The following NCOA1 variants were observed in gnomAD, a reference collection of about 807,000 sequenced individuals.
NCOA1 encodes nuclear receptor coactivator 1, also known as Hin-2 protein.
NCOA1 carries 35 observed loss-of-function variants against 150.9 expected under a neutral mutation model. The observed-to-expected ratio is 0.23, with a 90% CI of 0.18 to 0.31. The LOEUF (loss-of-function observed/expected upper bound fraction) is 0.31. Among genes scored for constraint, NCOA1 ranks in the 10% least tolerant of loss-of-function variants. The probability of loss-of-function intolerance (pLI) is 1.00; values close to 1 mark genes in which losing one functional copy is unlikely to be tolerated. For missense variants in NCOA1, 1,491 were observed against 1,749.3 expected, an observed-to-expected ratio of 0.85 and a Z score of 2.63; for synonymous variants, 590 against 630.0, an observed-to-expected ratio of 0.94 and a Z score of 0.95.
chr2:24,678,496 CT>C (rs1672021377), intron 7 of NCOA1, among the ~76,000 whole-genome samples: 1 of 152,172 alleles, frequency 6.6e-6, no homozygotes, highest in African/African-American at 2.4e-5. Flanking sequence ...CTAATTTATA[CT>C]CCCACCAACA....
intron 1 of NCOA1, among the ~76,000 whole-genome samples, chr2:24,536,853 G>A (rs1449142705): frequency 6.6e-6 from 1 of 152,082 alleles, no homozygotes; most frequent in Non-Finnish European, 1.5e-5. Context: ...CATTTTCTGA[G>A]TGAAGTAACT....
At chr2:24,519,904 AT>A (rs1217700079) in intron 1 of NCOA1, among the ~76,000 whole-genome samples, 3 of 152,236 alleles carry the variant, frequency 2.0e-5, no homozygotes, top group African/African-American at 7.2e-5. Flanking sequence ...ATATAGAGTT[AT>A]CAAAGCTCAA....
chr2:24,503,245 G>A (rs1663541650), intron 1 of NCOA1, among the ~76,000 whole-genome samples: 1 of 151,976 alleles, frequency 6.6e-6, no homozygotes, highest in African/African-American at 2.4e-5. Context: ...AGAACGTGTT[G>A]TTCTACAACA....
chr2:24,723,245 A>C (rs1047391802), intron 14 of NCOA1, among the ~76,000 whole-genome samples: 5 of 152,126 alleles, frequency 3.3e-5, no homozygotes. Flanking sequence ...TCACTTTTTC[A>C]CTTAATGTTC....
At chr2:24,497,015 C>T (rs1663246211) in intron 1 of NCOA1, among the ~76,000 whole-genome samples, 1 of 152,160 alleles carries the variant, frequency 6.6e-6, no homozygotes, top group South Asian at 2.1e-4. Context: ...GTAAGGCCCT[C>T]ATTCATAGTC....
intron 1 of NCOA1, among the ~76,000 whole-genome samples, chr2:24,511,003 A>G (rs1160594598): frequency 6.6e-6 from 1 of 152,038 alleles, no homozygotes; most frequent in Non-Finnish European, 1.5e-5. Context: ...GTGTCTCCCC[A>G]TTCCTCCCTT....
At chr2:24,507,343 C>A (rs1451631378) in intron 1 of NCOA1, among the ~76,000 whole-genome samples, 1 of 150,524 alleles carries the variant, frequency 6.6e-6, no homozygotes, top group Admixed American at 6.7e-5. Flanking sequence ...CCTGTCTCCA[C>A]AAGGTGGTTG....
At chr2:24,728,504 C>T (rs772993577) in intron 16 of NCOA1, 28 bp downstream of exon 16, 4 of 1,585,986 alleles carry the variant, frequency 2.5e-6, no homozygotes, top group South Asian at 1.1e-5. Context: ...CATTATTTAA[C>T]TGATGGAGCC....
chr2:24,644,720 G>A (rs757875122), intron 4 of NCOA1, among the ~76,000 whole-genome samples: 1 of 152,112 alleles, frequency 6.6e-6, no homozygotes, highest in African/African-American at 2.4e-5. Context: ...AGAGTGATCA[G>A]AAACTGATAA....
At chr2:24,558,413 T>C (rs1326352109) in intron 1 of NCOA1, among the ~76,000 whole-genome samples, 1 of 152,110 alleles carries the variant, frequency 6.6e-6, no homozygotes, top group Non-Finnish European at 1.5e-5. Flanking sequence ...CCCAGAATCA[T>C]GGCGGGAGGT....
intron 12 of NCOA1, 43 bp downstream of exon 12, chr2:24,705,276 A>T (rs997195316): frequency 1.3e-6 from 2 of 1,586,652 alleles, no homozygotes; most frequent in Non-Finnish European, 1.7e-6. Flanking sequence ...AAGCCAGTTC[A>T]CATATCTCTT....
At chr2:24,553,893 G>A (rs577048316) in intron 1 of NCOA1, among the ~76,000 whole-genome samples, 19 of 152,258 alleles carry the variant, frequency 1.2e-4, no homozygotes, top group African/African-American at 4.1e-4. Flanking sequence ...ATTCACCAAG[G>A]GAGCCTTTGT....
chr2:24,606,214 ATTTT>A (rs1558832922), intron 3 of NCOA1, among the ~76,000 whole-genome samples: 1 of 151,242 alleles, frequency 6.6e-6, no homozygotes, highest in Middle Eastern at 3.2e-3. Flanking sequence ...CATAATTTTT[ATTTT>A]TTTATTTTTA....
chr2:24,608,190 C>T (rs984026467), intron 3 of NCOA1, among the ~76,000 whole-genome samples: 3 of 150,288 alleles, frequency 2.0e-5, no homozygotes, highest in Non-Finnish European at 4.4e-5. Context: ...TTTAGATTTA[C>T]AGAAGAGTTG....
intron 1 of NCOA1, among the ~76,000 whole-genome samples, chr2:24,561,239 G>A (rs1666280854): frequency 1.3e-5 from 2 of 152,106 alleles, no homozygotes; most frequent in South Asian, 4.1e-4. Context: ...AGTAAGCAAG[G>A]GCAAAATGAC....
intron 19 of NCOA1, among the ~76,000 whole-genome samples, chr2:24,748,714 A>G (rs1424226736): frequency 6.6e-6 from 1 of 152,094 alleles, no homozygotes; most frequent in Non-Finnish European, 1.5e-5. Flanking sequence ...TATTTAACCA[A>G]ATAAACCAAG....
Position 24,655,148 on chromosome 2 carries a change from C to G in NCOA1, c.-17-3513C>G, listed in dbSNP as rs368795415. ...CTCTAGTGCGTAGAACAGAGGTTGG[C>G]ATATGGTAAGAGCTCAGTAAATATT... is the stretch of plus-strand genomic sequence containing the variant. On this transcript the variant is annotated intron_variant, in intron 4 of 22. Transcript: ENST00000348332. Among the ~76,000 whole-genome samples the G allele has an allele frequency of 3.7e-4, 56 of 152,270 alleles. No individual in the cohort carries two copies. The East Asian group carries it at 5.8e-3, about 16-fold the overall frequency.
At chr2:24,691,715 A>T (rs1558291035) in intron 9 of NCOA1, 55 bp downstream of exon 9, 2 of 1,557,330 alleles carry the variant, frequency 1.3e-6, no homozygotes, top group Non-Finnish European at 8.7e-7. Flanking sequence ...TTTAAGGAAA[A>T]GAGAGGAAAT....
rs1572408487 is a variant in NCOA1 at position 24,550,707 on chromosome 2, GT to G, written c.-395-13587del. On this transcript the variant is annotated intron_variant, in intron 1 of 22. Transcript: ENST00000348332. ...TGCATAGAATATCTATGAATGCCTA[GT>G]AAACAAGGGAAGGGAGCTGGATGAT... Among the ~76,000 whole-genome samples, 6 of 152,232 alleles carry G rather than the reference GT, an allele frequency of 3.9e-5. No homozygotes were observed. The East Asian group carries it at 1.2e-3, about 29-fold the overall frequency.
Sources: allele counts gnomAD v4.1 joint callset (sites outside exome capture counted in the v4.1 genomes callset), GRCh38; gene constraint gnomAD v4.1.1; transcripts MANE v1.5; gene names NCBI Gene and HGNC (gene_info 2026-07-23, HGNC 2026-07-21).